The following DACH1 variants were observed in gnomAD, a reference collection of about 807,000 sequenced individuals.
DACH1 encodes the protein dachshund family transcription factor 1.
A neutral mutation model predicts 54.2 loss-of-function variants in DACH1; 12 were observed. The observed-to-expected ratio is 0.22, with a 90% CI of 0.14 to 0.36. DACH1 has a LOEUF of 0.36. DACH1 is among the 10% of genes least tolerant of loss of function. The pLI is 1.00. For missense variants in DACH1, 805 were observed against 929.8 expected (o/e 0.87, Z 1.75); for synonymous variants, 386 against 366.2 (o/e 1.05, Z -0.62).
intron 2 of DACH1, among the ~76,000 whole-genome samples, chr13:71,644,963 C>G (rs759388945): frequency 6.6e-6 from 1 of 151,936 alleles, no homozygotes; most frequent in African/African-American, 2.4e-5. Context: ...GACCATCTAA[C>G]CTGAATCATG....
intron 1 of DACH1, among the ~76,000 whole-genome samples, chr13:71,864,835 C>T (rs1045305487): frequency 4.0e-5 from 6 of 151,660 alleles, no homozygotes; most frequent in African/African-American, 4.9e-5. Context: ...CTCCTCCGTG[C>T]GCGCGCTTTG....
intron 1 of DACH1, among the ~76,000 whole-genome samples, chr13:71,728,408 C>G (rs1299988996): frequency 6.6e-6 from 1 of 151,762 alleles, no homozygotes; most frequent in African/African-American, 2.4e-5. Context: ...ATTTTGCTCC[C>G]GAAGAGTCTA....
chr13:71,452,797 C>T (rs1875188533), intron 10 of DACH1, among the ~76,000 whole-genome samples: 1 of 152,128 alleles, frequency 6.6e-6, no homozygotes, highest in South Asian at 2.1e-4. Context: ...TTTATGAAGT[C>T]TGCTTAACTA....
At chr13:71,712,525 T>C (rs1232137256) in intron 1 of DACH1, among the ~76,000 whole-genome samples, 1 of 152,140 alleles carries the variant, frequency 6.6e-6, no homozygotes, top group East Asian at 1.9e-4. Flanking sequence ...CAAATGTTTT[T>C]AGAACAAAAA....
At chr13:71,768,942 T>A (rs565295176) in intron 1 of DACH1, among the ~76,000 whole-genome samples, 1 of 151,852 alleles carries the variant, frequency 6.6e-6, no homozygotes, top group Admixed American at 6.6e-5. Context: ...TTTGCTACAA[T>A]TTTCATCTGT....
chr13:71,553,652 G>GTA (rs368486773), intron 6 of DACH1, among the ~76,000 whole-genome samples: 7,917 of 138,358 alleles, frequency 0.057, 675 homozygotes, highest in African/African-American at 0.19. Context: ...TATATATATA[G>GTA]TATATATATA....
At chr13:71,793,014 A>G (rs1886896795) in intron 1 of DACH1, among the ~76,000 whole-genome samples, 2 of 152,168 alleles carry the variant, frequency 1.3e-5, no homozygotes, top group Admixed American at 1.3e-4. Flanking sequence ...CCTGTGTGGT[A>G]GCCTCTTTCA....
intron 1 of DACH1, among the ~76,000 whole-genome samples, chr13:71,823,575 G>T (rs113214293): frequency 6.6e-6 from 1 of 151,906 alleles, no homozygotes; most frequent in Non-Finnish European, 1.5e-5. Context: ...ATATGGAACA[G>T]GCGAGAAAGT....
intron 5 of DACH1, among the ~76,000 whole-genome samples, chr13:71,557,842 TAAAA>T (rs569104411): frequency 2.3e-5 from 2 of 88,002 alleles, no homozygotes. Context: ...TGGCCTGTAC[TAAAA>T]AAAAAAAAAA....
At chr13:71,560,448 T>C (rs1884514447) in intron 4 of DACH1, among the ~76,000 whole-genome samples, 1 of 152,174 alleles carries the variant, frequency 6.6e-6, no homozygotes, top group Non-Finnish European at 1.5e-5. Flanking sequence ...GCTCTGGACA[T>C]ACTCAGTCAC....
chr13:71,581,465 C>G (rs1254306305), intron 3 of DACH1, among the ~76,000 whole-genome samples: 1 of 152,088 alleles, frequency 6.6e-6, no homozygotes, highest in East Asian at 1.9e-4. Context: ...TTCACAATGC[C>G]AGGCTGGTCT....
At position 71,488,861 on chromosome 13, in the gene DACH1, T is replaced by C. The variant is rs867561463; in HGVS notation, c.1722+136A>G. The stretch of plus-strand genomic sequence containing the variant: ...TGATTAGTGTAACAGGTTTAAAATC[T>C]AAGTTGCTTGAAGAGTTTAATACCA... On this transcript the variant is annotated intron_variant, in intron 7 of 10. Transcript: ENST00000613252. The C allele has an allele frequency of 6.3e-5, 40 of 637,462 alleles. No homozygotes were observed. In the African/African-American group the frequency reaches 7.0e-4, roughly 11 times the overall value. 39.5% of individuals were successfully genotyped at this position (637,462 alleles called of 1,614,324 possible).
chr13:71,645,674 A>T (rs1321046949), intron 2 of DACH1, among the ~76,000 whole-genome samples: 1 of 152,256 alleles, frequency 6.6e-6, no homozygotes, highest in South Asian at 2.1e-4. Flanking sequence ...TGTTTTTGCT[A>T]GACAGACACA....
intron 2 of DACH1, among the ~76,000 whole-genome samples, chr13:71,663,440 G>T (rs1183676268): frequency 6.6e-6 from 1 of 151,962 alleles, no homozygotes; most frequent in African/African-American, 2.4e-5. Flanking sequence ...AATTTGAGGA[G>T]TAGAGCCTAG....
intron 1 of DACH1, among the ~76,000 whole-genome samples, chr13:71,779,266 T>TACAC (rs1566495215): frequency 0.012 from 718 of 62,414 alleles, 41 homozygotes; most frequent in African/African-American, 0.051. Context: ...TATATATGTG[T>TACAC]ATATATACGT....
At chr13:71,651,793 A>G (rs1454368740) in intron 2 of DACH1, among the ~76,000 whole-genome samples, 1 of 152,190 alleles carries the variant, frequency 6.6e-6, no homozygotes, top group African/African-American at 2.4e-5. Flanking sequence ...TTATGAAACT[A>G]TTTGGAATAA....
chr13:71,736,447 GA>G (rs1198347737), intron 1 of DACH1, among the ~76,000 whole-genome samples: 1 of 151,810 alleles, frequency 6.6e-6, no homozygotes, highest in Non-Finnish European at 1.5e-5. Flanking sequence ...ACAGCTTAAG[GA>G]AAAAAGGTAA....
At chr13:71,846,848 C>T (rs1165856831) in intron 1 of DACH1, among the ~76,000 whole-genome samples, 1 of 152,136 alleles carries the variant, frequency 6.6e-6, no homozygotes, top group Non-Finnish European at 1.5e-5. Flanking sequence ...CTAGCTGTTA[C>T]TGGGAGTGAA....
At chr13:71,777,905 C>T (rs1454953679) in intron 1 of DACH1, among the ~76,000 whole-genome samples, 1 of 151,622 alleles carries the variant, frequency 6.6e-6, no homozygotes, top group Non-Finnish European at 1.5e-5. Context: ...TTGCTTGAAC[C>T]CAAAAGTTTG....
Sources: allele counts gnomAD v4.1 joint callset (sites outside exome capture counted in the v4.1 genomes callset), GRCh38; gene constraint gnomAD v4.1.1; transcripts MANE v1.5; gene names NCBI Gene and HGNC (gene_info 2026-07-23, HGNC 2026-07-21).